The following BIRC6 variants were observed in gnomAD, a reference collection of about 807,000 sequenced individuals.
BIRC6 encodes the protein dual E2 ubiquitin-conjugating enzyme/E3 ubiquitin-protein ligase BIRC6.
BIRC6 carries 98 observed loss-of-function variants against 503.3 expected under a neutral mutation model. The observed-to-expected ratio is 0.19, with a 90% CI of 0.17 to 0.23. BIRC6 has a LOEUF of 0.23. Ranked by LOEUF, BIRC6 falls within the 10% of genes least tolerant of loss-of-function variation. The pLI is 1.00. For missense variants in BIRC6, 5,360 were observed against 5,806.0 expected (o/e 0.92, Z 2.50); for synonymous variants, 2,240 against 2,078.7 (o/e 1.08, Z -2.11).
intron 15 of BIRC6, among the ~76,000 whole-genome samples, chr2:32,437,843 G>C (rs779657161): frequency 1.3e-5 from 2 of 152,174 alleles, no homozygotes; most frequent in Non-Finnish European, 2.9e-5. Context: ...TAGGTTTCAT[G>C]CTGGGATACA....
At chr2:32,382,803 A>G (rs913352144) in intron 3 of BIRC6, among the ~76,000 whole-genome samples, 2 of 152,076 alleles carry the variant, frequency 1.3e-5, no homozygotes, top group African/African-American at 4.8e-5. Context: ...GGCTCACTGC[A>G]ACGTCCGTCT....
At chr2:32,394,475 G>C (rs1380206137) in intron 5 of BIRC6, among the ~76,000 whole-genome samples, 1 of 152,056 alleles carries the variant, frequency 6.6e-6, no homozygotes, top group African/African-American at 2.4e-5. Flanking sequence ...GAATTAGATT[G>C]ACTACTTTGC....
In BIRC6 at chr2:32,611,108, C is replaced by CTTTTTTTT. The variant is rs1245765148; in HGVS notation, c.14260-336_14260-329dup. 3.2e-5 allele frequency among the ~76,000 whole-genome samples: 4 copies of CTTTTTTTT among 126,164 alleles called. No individual in the cohort carries two copies. The Admixed American group carries it at 3.3e-4, about 11-fold the overall frequency. The allele number at this position is 126,164 out of a possible 152,430, so 82.8% of individuals were successfully genotyped here. ...AATATTGTAGAGTTGATTAAATTGC[C>CTTTTTTTT]TTTTTTTTTTTGTTTGAGATGGAGG... On this transcript the variant is annotated intron_variant, in intron 72 of 73. Transcript: ENST00000421745.
intron 66 of BIRC6, among the ~76,000 whole-genome samples, chr2:32,581,151 T>A (rs1399214231): frequency 1.3e-5 from 2 of 152,214 alleles, no homozygotes; most frequent in Admixed American, 6.5e-5. Context: ...TCTTTTGTAT[T>A]AAGGTCCTGG....
rs142449839 is a variant in BIRC6 at position 32,415,709 on chromosome 2, T to G, written c.2418T>G (p.Asp806Glu). The G allele has an allele frequency of 6.2e-7, 1 of 1,613,894 alleles. No individual in the cohort carries two copies. The change falls in exon 10 of 74, where the codon GAT becomes GAG. Residue 806 changes from aspartate to glutamate, a missense_variant. Around this residue, in one of 16 missense-constraint regions of BIRC6, gnomAD observed 700 missense variants for 739.3 expected, o/e 0.95. Transcript: ENST00000421745. ...TAATCCAACATGAATCACCAGCAGA[T>G]GTACAGACTCCTTTAATAATTCAGC... is the stretch of plus-strand genomic sequence containing the variant. ...ISVIQHESPA[D>E]VQTPLIIQPE...
chr2:32,385,183 A>G (rs1352950833), intron 3 of BIRC6, among the ~76,000 whole-genome samples: 1 of 152,238 alleles, frequency 6.6e-6, no homozygotes, highest in Non-Finnish European at 1.5e-5. Flanking sequence ...TAGTACCAGC[A>G]TATCATGCAG....
intron 61 of BIRC6, 24 bp downstream of exon 61, chr2:32,531,575 G>A (rs2056756411): frequency 3.2e-6 from 5 of 1,568,918 alleles, no homozygotes; most frequent in Non-Finnish European, 2.6e-6. Context: ...TCCTAATCGA[G>A]TATATCATTC....
At position 32,508,164 on chromosome 2, in the gene BIRC6, A is replaced by G. The variant is rs772742484; in HGVS notation, c.9885A>G (p.Gln3295=). The G allele has an allele frequency of 8.1e-6, 13 of 1,613,840 alleles. No homozygotes were observed. The highest frequency in any genetic ancestry group is 4.4e-5 in the South Asian group (4 of 91,068). The change falls in exon 51 of 74, where the codon CAA becomes CAG. Residue 3295 remains glutamine (Q), a synonymous_variant. Transcript: ENST00000421745. ...PRDASTLGLS[Q]IKLLGLTAFG... is the part of the protein sequence containing the mutation. The stretch of plus-strand genomic sequence containing the variant: ...ATGCCAGCACATTAGGCCTTTCACA[A>G]ATTAAATTATTGGGGCTCACTGCTT...
rs565313936 is a variant in BIRC6, at chr2:32,575,494, G to A, written c.13355+128G>A. On this transcript the variant is annotated intron_variant, in intron 66 of 73. Transcript: ENST00000421745. ...GCATATACACCCTCGGCTGGGTGCG[G>A]TGGCTCACACCTGTAATCCCAGCAC... 9 of 817,484 alleles carry A rather than the reference G, an allele frequency of 1.1e-5. No individual in the cohort carries two copies. In the African/African-American group the frequency reaches 1.2e-4, roughly 11 times the overall value. The allele number at this position is 817,484 out of a possible 1,614,324, so 50.6% of individuals were successfully genotyped here.
At chr2:32,404,128 C>T (rs944002549) in intron 8 of BIRC6, among the ~76,000 whole-genome samples, 1 of 151,898 alleles carries the variant, frequency 6.6e-6, no homozygotes, top group Admixed American at 6.6e-5. Context: ...AAGGGTTTCT[C>T]CATGTTGGCC....
At chr2:32,594,084 C>T (rs1378760241) in intron 67 of BIRC6, 24 bp downstream of exon 67, 2 of 1,592,930 alleles carry the variant, frequency 1.3e-6, no homozygotes, top group Non-Finnish European at 8.5e-7. Flanking sequence ...CCTATTATGC[C>T]ACTTTTCATT....
At chr2:32,444,676 A>C (rs183503453) in intron 20 of BIRC6, among the ~76,000 whole-genome samples, 3 of 152,174 alleles carry the variant, frequency 2.0e-5, no homozygotes, top group African/African-American at 7.2e-5. Flanking sequence ...GCTTGAGGCC[A>C]GGAGTTTAAA....
At chr2:32,576,018 A>C (rs2060245291) in intron 66 of BIRC6, among the ~76,000 whole-genome samples, 1 of 152,218 alleles carries the variant, frequency 6.6e-6, no homozygotes, top group Non-Finnish European at 1.5e-5. Flanking sequence ...GTGTCAATAA[A>C]TACCACTGAC....
intron 61 of BIRC6, among the ~76,000 whole-genome samples, chr2:32,536,807 A>G (rs529677589): frequency 1.7e-4 from 26 of 152,072 alleles, no homozygotes; most frequent in African/African-American, 6.3e-4. Flanking sequence ...TTGGTTCCAT[A>G]TGAGCTTGAT....
intron 68 of BIRC6, among the ~76,000 whole-genome samples, chr2:32,597,224 T>G (rs2061731184): frequency 6.6e-6 from 1 of 152,336 alleles, no homozygotes; most frequent in Non-Finnish European, 1.5e-5. Context: ...AGTGGAACTT[T>G]AGTTTGTTTC....
intron 66 of BIRC6, among the ~76,000 whole-genome samples, chr2:32,591,151 A>T (rs1209937620): frequency 6.6e-6 from 1 of 151,972 alleles, no homozygotes; most frequent in Non-Finnish European, 1.5e-5. Context: ...CCATTTAGAG[A>T]TTTTCTTTTT....
intron 5 of BIRC6, among the ~76,000 whole-genome samples, chr2:32,394,634 C>A (rs967321718): frequency 3.3e-5 from 5 of 152,028 alleles, no homozygotes; most frequent in Admixed American, 6.6e-5. Context: ...GAATTTGAGA[C>A]CAGCCTGGAT....
intron 61 of BIRC6, among the ~76,000 whole-genome samples, chr2:32,536,829 T>G (rs2057279477): frequency 6.6e-6 from 1 of 152,124 alleles, no homozygotes; most frequent in South Asian, 2.1e-4. Flanking sequence ...GGGATGACAT[T>G]GAATCTATAA....
At chr2:32,521,894 A>G (rs961061189) in intron 57 of BIRC6, 1 of 151,886 alleles carries the variant, frequency 6.6e-6, no homozygotes, top group Non-Finnish European at 1.5e-5. Context: ...TTTTCTTCAC[A>G]TTTCTTATGA....
Sources: gnomAD v4.1 joint callset for allele counts (sites outside exome capture counted in the v4.1 genomes callset) on GRCh38, gnomAD v4.1.1 for gene constraint, gnomAD v4.1.1 regional missense constraint, MANE v1.5 for transcripts, NCBI Gene and HGNC (gene_info 2026-07-23, HGNC 2026-07-21) for gene names.